Variants in SLC35A2 observed in about 807,000 individuals in gnomAD.
The protein encoded by SLC35A2 is UDP-galactose translocator.
Under a neutral mutation model 17.3 loss-of-function variants are expected in SLC35A2, and 1 was observed. The ratio of observed to expected loss-of-function variants is 0.06; its 90% CI spans 0.02 to 0.27. SLC35A2 has a LOEUF of 0.27. Ranked by LOEUF, SLC35A2 falls within the 10% of genes least tolerant of loss-of-function variation. SLC35A2 has a pLI of 1.00. For missense variants in SLC35A2, 191 were observed against 339.3 expected (o/e 0.56, Z 3.43); for synonymous variants, 161 against 161.3 (o/e 1.00, Z 0.01).
chrX:48,903,686 C>A (rs2063461519), intron 4 of SLC35A2: 6 of 975,967 alleles, frequency 6.1e-6, no homozygotes, highest in Non-Finnish European at 6.7e-6. Flanking sequence ...AAAAAACAAA[C>A]CAAAAAATCA....
Position 48,903,282 on chromosome X carries a change from C to A in SLC35A2, c.*156G>T. ...TGAGCTGAGGTGGGTCATGAGAGAGCTTAGTCATGTTGGCCCTGGGTGGGG... is the reference window on the plus strand; with the variant it reads ...TGAGCTGAGGTGGGTCATGAGAGAGATTAGTCATGTTGGCCCTGGGTGGGG... On this transcript the variant is annotated 3_prime_UTR_variant, in exon 5 of 5. Coordinates refer to ENST00000247138, the MANE Select transcript of SLC35A2 (RefSeq NM_005660.3). 1.3e-6 allele frequency: 1 copy of A among 754,111 alleles called. No individual in the cohort carries two copies. Among genetic ancestry groups the A allele is most frequent in the Non-Finnish European group, 2.0e-6 (1 of 496,972 alleles). The allele number at this position is 754,111 out of a possible 1,213,427, so 62.1% of individuals were successfully genotyped here. A position where few individuals can be genotyped will look rare whatever the true frequency, so the allele number is the denominator to read the frequency against.
intron 4 of SLC35A2, chrX:48,903,907 A>G (rs1557042299): frequency 1.3e-6 from 1 of 769,938 alleles, no homozygotes; most frequent in Non-Finnish European, 1.5e-6. Flanking sequence ...GGATATCAAG[A>G]GTATGATTGG....
intron 3 of SLC35A2, 42 bp downstream of exon 3, chrX:48,906,350 C>G (rs1328957309): frequency 8.5e-7 from 1 of 1,181,898 alleles, no homozygotes; most frequent in African/African-American, 1.8e-5. Context: ...CAGTCCCCAA[C>G]CCAGTTAGTT....
At chrX:48,909,455 C>T (rs917557695) in intron 2 of SLC35A2, among the ~76,000 whole-genome samples, 7 of 112,932 alleles carry the variant, frequency 6.2e-5, no homozygotes, top group East Asian at 2.8e-4. Flanking sequence ...TTGTTTAAAG[C>T]GGCCATGAGT....
At chrX:48,906,587 C>T (rs782252912) in intron 2 of SLC35A2, 44 bp from the exon 3 acceptor site, 3 of 1,165,524 alleles carry the variant, frequency 2.6e-6, no homozygotes, top group South Asian at 1.8e-5. Flanking sequence ...GACAGCCATA[C>T]ATGGGGAACC....
chrX:48,909,586 C>A lies in SLC35A2; in HGVS notation c.274+228G>T, dbSNP rs782534061. Among the ~76,000 whole-genome samples, 61 of 113,413 alleles carry A rather than the reference C, an allele frequency of 5.4e-4. 1 individual carries two copies. The highest frequency in any genetic ancestry group is 2.1e-3 in the Admixed American group (23 of 10,821). On this transcript the variant is annotated intron_variant, in intron 2 of 4. Coordinates refer to ENST00000247138, the MANE Select transcript of SLC35A2 (RefSeq NM_005660.3). ...AAGCTAAATCACATGTGAGAGATCC[C>A]TGCTACTTTATAAGCATTGGCAATC...
chrX:48,909,708 T>G, intron 2 of SLC35A2, 106 bp downstream of exon 2: 7 of 712,505 alleles, frequency 9.8e-6, no homozygotes, highest in Non-Finnish European at 1.5e-5. Context: ...TCCAGGCAGG[T>G]TGAGATTTGG....
In SLC35A2 at chrX:48,903,346, C is replaced by G. The variant is rs782818930; in HGVS notation, c.*92G>C. The stretch of plus-strand genomic sequence containing the variant: ...GACAGGGAGTCCAGTGTCTACCTCA[C>G]TCTACCCCTAATACTGATCAGAGTT... On this transcript the variant is annotated 3_prime_UTR_variant, in exon 5 of 5. Transcript: ENST00000247138. The G allele has an allele frequency of 8.0e-5, 46 of 575,636 alleles. No individual in the cohort carries two copies. In the South Asian group the frequency reaches 1.1e-3, roughly 14 times the overall value. 47.4% of individuals were successfully genotyped at this position (575,636 alleles called of 1,213,427 possible).
chrX:48,910,513 T>A (rs1320647753), intron 1 of SLC35A2, among the ~76,000 whole-genome samples: 1 of 111,855 alleles, frequency 8.9e-6, no homozygotes, highest in Non-Finnish European at 1.9e-5. Context: ...TCCTGTTTAA[T>A]GAGGGACTGT....
intron 1 of SLC35A2, chrX:48,910,373 G>T: frequency 1.2e-6 from 1 of 838,488 alleles, no homozygotes; most frequent in Non-Finnish European, 1.6e-6. Flanking sequence ...AGTGTTTACT[G>T]TATGCCTATC....
chrX:48,904,367 G>A, intron 4 of SLC35A2: 1 of 1,072,435 alleles, frequency 9.3e-7, no homozygotes. Context: ...AGGGACTGCT[G>A]GGAGGGACTC....
At chrX:48,907,184 G>T (rs1283822807) in intron 2 of SLC35A2, among the ~76,000 whole-genome samples, 1 of 105,831 alleles carries the variant, frequency 9.4e-6, no homozygotes, top group Admixed American at 1.0e-4. Context: ...AAAAAAAAAA[G>T]AAAGAAAGAA....
At position 48,903,197 on chromosome X, in the gene SLC35A2, A is replaced by G. The variant is rs782816951; in HGVS notation, c.*241T>C. 1 of 1,123,020 alleles carries G rather than the reference A, an allele frequency of 8.9e-7. No individual in the cohort carries two copies. Among genetic ancestry groups the G allele is most frequent in the South Asian group, 1.9e-5 (1 of 51,393 alleles). The allele number at this position is 1,123,020 out of a possible 1,213,427, so 92.5% of individuals were successfully genotyped here. ...AACCCAAGTCGGCAAGATACACAAC[A>G]CATTTTATTTGCAAAAACTCAGCTA... is the stretch of plus-strand genomic sequence containing the variant. On this transcript the variant is annotated 3_prime_UTR_variant, in exon 5 of 5. Transcript: ENST00000247138.
Position 48,905,393 on chromosome X carries a change from C to T in SLC35A2, c.516G>A (p.Leu172=). The T allele has an allele frequency of 8.4e-7, 1 of 1,196,131 alleles. No homozygotes were observed. The highest frequency in any genetic ancestry group is 1.8e-5 in the South Asian group (1 of 54,762). Residue 172 remains leucine (L), a synonymous_variant, in exon 4 of 5, where the codon CTG becomes CTA. Transcript: ENST00000247138. ...TGGCGACGCCAGTGAAGAGGAGCAG[C>T]AGGGAGGCCCACTGCAGCCGGGAAA... ...RSLSRLQWAS[L]LLLFTGVAIV...
At chrX:48,910,594 C>T (rs781817844) in intron 1 of SLC35A2, among the ~76,000 whole-genome samples, 1 of 111,221 alleles carries the variant, frequency 9.0e-6, no homozygotes, top group East Asian at 2.8e-4. Flanking sequence ...CCCCTAAGAA[C>T]GGTCTTTCTC....
Position 48,903,395 on chromosome X carries a change from A to G in SLC35A2, c.*43T>C. On this transcript the variant is annotated 3_prime_UTR_variant, in exon 5 of 5. Coordinates refer to ENST00000247138, the MANE Select transcript of SLC35A2 (RefSeq NM_005660.3). ...TTTGGTCCCAGCTGGGCCAAGGGCA[A>G]GAAGAGAGAACGAGGCCAGGCCAAT... 1.7e-6 allele frequency: 1 copy of G among 577,569 alleles called. No homozygotes were observed. Among genetic ancestry groups the G allele is most frequent in the Non-Finnish European group, 3.2e-6 (1 of 316,474 alleles). The allele number at this position is 577,569 out of a possible 1,213,427, so 47.6% of individuals were successfully genotyped here. A position where few individuals can be genotyped will look rare whatever the true frequency, so the allele number is the denominator to read the frequency against.
intron 4 of SLC35A2, chrX:48,904,430 A>C: frequency 9.3e-7 from 1 of 1,070,007 alleles, no homozygotes; most frequent in Middle Eastern, 3.7e-4. Context: ...GGGAGCAGAC[A>C]AAAAAAAGGC....
intron 2 of SLC35A2, 50 bp from the exon 3 acceptor site, chrX:48,906,593 G>A: frequency 3.5e-6 from 4 of 1,148,530 alleles, no homozygotes; most frequent in Non-Finnish European, 4.8e-6. Context: ...CATACATGGG[G>A]AACCCCTGAA....
Position 48,911,642 on chromosome X carries a change from C to T in SLC35A2, c.-6G>A, listed in dbSNP as rs781857506. Reference sequence around the variant, plus strand: ...CCAGCCCCAACCGCTGCCATGTTGGCATCTGCCCGGCCCGTCCCCTCGGCA... The same window carrying T: ...CCAGCCCCAACCGCTGCCATGTTGGTATCTGCCCGGCCCGTCCCCTCGGCA... On this transcript the variant is annotated 5_prime_UTR_variant, in exon 1 of 5. It removes an upstream start codon present in the reference 5' UTR. Coordinates refer to ENST00000247138, the MANE Select transcript of SLC35A2 (RefSeq NM_005660.3). 8.6e-7 allele frequency: 1 copy of T among 1,159,434 alleles called. No homozygotes were observed. Among genetic ancestry groups the T allele is most frequent in the South Asian group, 1.9e-5 (1 of 52,684 alleles).
Sources: allele counts gnomAD v4.1 joint callset (sites outside exome capture counted in the v4.1 genomes callset), GRCh38; gene constraint gnomAD v4.1.1; transcripts MANE v1.5; gene names NCBI Gene and HGNC (gene_info 2026-07-23, HGNC 2026-07-21).